TBC1D15: variants seen among roughly 807,000 people sequenced by gnomAD.
The protein encoded by TBC1D15 is TBC1 domain family member 15.
A neutral mutation model predicts 95.4 loss-of-function variants in TBC1D15; 39 were observed. The observed-to-expected ratio is 0.41, with a 90% CI of 0.32 to 0.53. TBC1D15 has a LOEUF of 0.53. Ranked by LOEUF, TBC1D15 falls within the 20% of genes least tolerant of loss-of-function variation. The probability of loss-of-function intolerance (pLI) is 0.29; values close to 1 mark genes in which losing one functional copy is unlikely to be tolerated. For synonymous variants in TBC1D15, 258 were observed against 261.3 expected, an observed-to-expected ratio of 0.99 and a Z score of 0.12; for missense variants, 733 against 794.3, an observed-to-expected ratio of 0.92 and a Z score of 0.93.
At chr12:71,859,586 T>G (rs937593793) in intron 1 of TBC1D15, among the ~76,000 whole-genome samples, 3 of 151,972 alleles carry the variant, frequency 2.0e-5, no homozygotes, top group African/African-American at 7.3e-5. Flanking sequence ...TTCATAGTTT[T>G]GGATCTTACA....
intron 10 of TBC1D15, among the ~76,000 whole-genome samples, chr12:71,906,013 C>T (rs1022234022): frequency 6.6e-6 from 1 of 152,094 alleles, no homozygotes; most frequent in African/African-American, 2.4e-5. Context: ...GCTGAGATTA[C>T]AGATGCACAC....
Position 71,920,844 on chromosome 12 carries a change from T to C in TBC1D15, c.1713T>C (p.Leu571=), listed in dbSNP as rs1264565795. Residue 571 remains leucine, a synonymous_variant, in exon 15 of 17, where the codon CTT becomes CTC. Coordinates refer to ENST00000485960, the MANE Select transcript of TBC1D15 (RefSeq NM_001146213.3). ...MEKHYGFNEI[L]KHINELSMKI... ...AGCATTATGGCTTCAATGAAATACT[T>C]AAGGTAGTTATTCCTTTAATTCAGA... 1 of 1,601,294 alleles carries C rather than the reference T, an allele frequency of 6.2e-7. No individual in the cohort carries two copies.
intron 1 of TBC1D15, chr12:71,849,819 A>G: frequency 3.6e-6 from 2 of 551,390 alleles, no homozygotes; most frequent in East Asian, 4.4e-5. Context: ...TTCTAACTCT[A>G]ATAGACTTTT....
At chr12:71,890,284 G>A (rs946410784) in intron 5 of TBC1D15, among the ~76,000 whole-genome samples, 3 of 152,080 alleles carry the variant, frequency 2.0e-5, no homozygotes, top group African/African-American at 7.2e-5. Flanking sequence ...GTAAAACGAT[G>A]TTTCCAGAGT....
At chr12:71,879,162 C>T (rs1202176359) in intron 3 of TBC1D15, among the ~76,000 whole-genome samples, 22 of 148,270 alleles carry the variant, frequency 1.5e-4, no homozygotes, top group Admixed American at 1.1e-3. Flanking sequence ...GACGCAGTTT[C>T]GCTCTTGTCA....
chr12:71,859,445 G>T (rs571335822), intron 1 of TBC1D15, among the ~76,000 whole-genome samples: 1 of 151,960 alleles, frequency 6.6e-6, no homozygotes, highest in African/African-American at 2.4e-5. Flanking sequence ...AAGTTATTTT[G>T]ATGTAATCTT....
intron 1 of TBC1D15, among the ~76,000 whole-genome samples, chr12:71,865,590 AG>A (rs1350217358): frequency 6.6e-6 from 1 of 151,938 alleles, no homozygotes; most frequent in African/African-American, 2.4e-5. Flanking sequence ...GCCCCAGGAG[AG>A]GGGGTAGGGA....
At chr12:71,865,985 A>G (rs746508551) in intron 1 of TBC1D15, among the ~76,000 whole-genome samples, 18 of 152,014 alleles carry the variant, frequency 1.2e-4, no homozygotes, top group Admixed American at 2.6e-4. Context: ...AACTGGGGAT[A>G]TGGGACTGCT....
At chr12:71,872,196 A>G in intron 2 of TBC1D15, 28 bp downstream of exon 2, 1 of 1,341,654 alleles carries the variant, frequency 7.5e-7, no homozygotes. Flanking sequence ...GATTTTATTT[A>G]ATAATAGTTT....
intron 8 of TBC1D15, chr12:71,896,459 TAGTCTACTGTATTCTG>T: frequency 2.0e-6 from 1 of 509,912 alleles, no homozygotes; most frequent in African/African-American, 2.0e-5. Flanking sequence ...CTGTATTCTG[TAGTCTACTGTATTCTG>T]TGCACTGTTT....
At chr12:71,851,087 C>A (rs868383341) in intron 1 of TBC1D15, among the ~76,000 whole-genome samples, 1 of 151,346 alleles carries the variant, frequency 6.6e-6, no homozygotes, top group African/African-American at 2.4e-5. Flanking sequence ...GTACAGGAAG[C>A]ATGATGCTGG....
chr12:71,857,324 A>C (rs905853451), intron 1 of TBC1D15, among the ~76,000 whole-genome samples: 34 of 152,180 alleles, frequency 2.2e-4, no homozygotes, highest in Non-Finnish European at 4.0e-4. Context: ...TTCTACTAAC[A>C]AATGTTATGT....
Position 71,896,417 on chromosome 12 carries a change from C to T in TBC1D15, c.985-260C>T, listed in dbSNP as rs1898178489. 7 of 457,212 alleles carry T rather than the reference C, an allele frequency of 1.5e-5. No individual in the cohort carries two copies. In the South Asian group the frequency reaches 2.4e-4, roughly 16 times the overall value. The allele number at this position is 457,212 out of a possible 1,614,324, so 28.3% of individuals were successfully genotyped here. On this transcript the variant is annotated intron_variant, in intron 8 of 16. Transcript: ENST00000485960. Reference sequence around the variant, plus strand: ...TATTCTGTAAGATTGGGCTTAGACTCACCAGTCACACTGTCTGTCTGCTGT... The same window carrying T: ...TATTCTGTAAGATTGGGCTTAGACTTACCAGTCACACTGTCTGTCTGCTGT...
intron 1 of TBC1D15, among the ~76,000 whole-genome samples, chr12:71,859,962 GT>G (rs1441676525): frequency 6.6e-6 from 1 of 152,088 alleles, no homozygotes; most frequent in Non-Finnish European, 1.5e-5. Context: ...TAGTGTTCTA[GT>G]TTCATTTTTT....
chr12:71,894,683 T>C lies in TBC1D15; in HGVS notation c.658-3T>C. The C allele has an allele frequency of 6.2e-7, 1 of 1,608,986 alleles. No homozygotes were observed. Among genetic ancestry groups the C allele is most frequent in the Non-Finnish European group, 8.5e-7 (1 of 1,177,920 alleles). ...TGCTAATATTTTTCTTCCTACTGCA[T>C]AGAAAATTAAAAAGGACCCTTATAC... is the stretch of plus-strand genomic sequence containing the variant. On this transcript the variant is annotated splice_region_variant and splice_polypyrimidine_tract_variant and intron_variant, in intron 6 of 16. Coordinates refer to ENST00000485960, the MANE Select transcript of TBC1D15 (RefSeq NM_001146213.3).
chr12:71,900,800 A>G lies in TBC1D15; in HGVS notation c.1183+2859A>G, dbSNP rs149744742. ...AAAAGGGTTAGGATGTTTGTGTGCA[A>G]TGTTGCCATTTTAACTTGGGCAAGC... is the stretch of plus-strand genomic sequence containing the variant. On this transcript the variant is annotated intron_variant, in intron 10 of 16. Coordinates refer to ENST00000485960, the MANE Select transcript of TBC1D15 (RefSeq NM_001146213.3). Among the ~76,000 whole-genome samples the G allele has an allele frequency of 5.0e-3, 760 of 152,242 alleles. 6 individuals carry two copies. Among genetic ancestry groups the G allele is most frequent in the African/African-American group, 0.017 (706 of 41,528 alleles).
At chr12:71,904,197 A>C (rs1900128990) in intron 10 of TBC1D15, among the ~76,000 whole-genome samples, 1 of 152,242 alleles carries the variant, frequency 6.6e-6, no homozygotes, top group Non-Finnish European at 1.5e-5. Flanking sequence ...AAGTGAAGAA[A>C]GTATTTCAAG....
intron 14 of TBC1D15, among the ~76,000 whole-genome samples, chr12:71,919,005 C>T (rs1868309551): frequency 6.6e-6 from 1 of 152,016 alleles, no homozygotes; most frequent in African/African-American, 2.4e-5. Context: ...TTGCATGTTG[C>T]TGAGGTTTGG....
chr12:71,916,767 C>T (rs1045498385), intron 12 of TBC1D15, among the ~76,000 whole-genome samples: 3 of 152,118 alleles, frequency 2.0e-5, no homozygotes, highest in African/African-American at 7.2e-5. Flanking sequence ...GGCCCCTTGA[C>T]TCAGGTGTTG....
Sources: allele counts gnomAD v4.1 joint callset (sites outside exome capture counted in the v4.1 genomes callset), GRCh38; gene constraint gnomAD v4.1.1; transcripts MANE v1.5; gene names NCBI Gene and HGNC (gene_info 2026-07-23, HGNC 2026-07-21).